CAMK2B: variants seen among roughly 807,000 people sequenced by gnomAD.
CAMK2B encodes the protein calcium/calmodulin-dependent protein kinase type II subunit beta.
Under a neutral mutation model 93.7 loss-of-function variants are expected in CAMK2B, and 27 were observed. The observed-to-expected ratio is 0.29, with a 90% CI of 0.21 to 0.40. The LOEUF (loss-of-function observed/expected upper bound fraction) is 0.40, where lower values mean the gene tolerates loss of function less well. Among genes scored for constraint, CAMK2B ranks in the 10% least tolerant of loss-of-function variants. The pLI, the probability that CAMK2B is intolerant of heterozygous loss-of-function variation, is 1.00. For synonymous variants in CAMK2B, 374 were observed against 358.8 expected (o/e 1.04, Z -0.48); for missense variants, 568 against 895.8 (o/e 0.63, Z 4.67).
At chr7:44,220,776 G>C (rs2096390871) in intron 21 of CAMK2B, 50 bp downstream of exon 21, 2 of 1,562,786 alleles carry the variant, frequency 1.3e-6, no homozygotes, top group South Asian at 1.2e-5. Flanking sequence ...CCCCCCCAAG[G>C]GTCCCACATC....
chr7:44,285,116 C>T (rs991774057), intron 1 of CAMK2B, among the ~76,000 whole-genome samples: 4 of 152,212 alleles, frequency 2.6e-5, no homozygotes, highest in Non-Finnish European at 5.9e-5. Context: ...GGAGTCAGTG[C>T]CACCCAATGG....
At chr7:44,294,022 G>A (rs1014982154) in intron 1 of CAMK2B, among the ~76,000 whole-genome samples, 1 of 152,200 alleles carries the variant, frequency 6.6e-6, no homozygotes, top group African/African-American at 2.4e-5. Context: ...CAGCAAGGCA[G>A]TGGGCAGCAA....
At chr7:44,313,305 G>C (rs1279970551) in intron 1 of CAMK2B, among the ~76,000 whole-genome samples, 1 of 152,106 alleles carries the variant, frequency 6.6e-6, no homozygotes, top group East Asian at 1.9e-4. Context: ...GCTGCTATGA[G>C]GCCCTGACAA....
intron 1 of CAMK2B, among the ~76,000 whole-genome samples, chr7:44,301,258 GA>G (rs1413382605): frequency 6.6e-6 from 1 of 152,150 alleles, no homozygotes; most frequent in Admixed American, 6.6e-5. Flanking sequence ...CTCTTGAGTA[GA>G]AAAGACTACA....
intron 2 of CAMK2B, among the ~76,000 whole-genome samples, chr7:44,282,827 C>T (rs2097112808): frequency 6.6e-6 from 1 of 152,348 alleles, no homozygotes; most frequent in East Asian, 1.9e-4. Context: ...CCGTCTCTGC[C>T]CACATTAGGC....
chr7:44,225,754 A>T lies in CAMK2B; in HGVS notation c.1597+762T>A. 1.6e-6 allele frequency: 2 copies of T among 1,289,302 alleles called. No individual in the cohort carries two copies. The highest frequency in any genetic ancestry group is 2.5e-5 in the South Asian group (2 of 81,020). 79.9% of individuals were successfully genotyped at this position (1,289,302 alleles called of 1,614,324 possible). A position where few individuals can be genotyped will look rare whatever the true frequency, so the allele number is the denominator to read the frequency against. On this transcript the variant is annotated intron_variant, in intron 20 of 23. Transcript: ENST00000395749. This position sits in a 1 kb window ranked among gnomAD's most constrained non-coding sequence, Gnocchi z 5.0. ...GCAAGCAGACCCCACCTGTCCCTCA[A>T]GTACTTACCTAGCCACTGCCCTGCC...
intron 9 of CAMK2B, 98 bp downstream of exon 9, chr7:44,242,462 C>A: frequency 1.3e-6 from 2 of 1,511,976 alleles, no homozygotes; most frequent in Non-Finnish European, 1.8e-6. Flanking sequence ...GACCTGGCCA[C>A]AGGTGGCTTC....
At chr7:44,265,290 CCAGATT>C (rs1372591182) in intron 2 of CAMK2B, among the ~76,000 whole-genome samples, 7 of 152,178 alleles carry the variant, frequency 4.6e-5, no homozygotes, top group Admixed American at 1.3e-4. Flanking sequence ...AGTGCAGGTC[CCAGATT>C]CAGTAAATCG....
At chr7:44,264,680 C>T (rs1437868177) in intron 2 of CAMK2B, among the ~76,000 whole-genome samples, 1 of 152,176 alleles carries the variant, frequency 6.6e-6, no homozygotes, top group African/African-American at 2.4e-5. Flanking sequence ...AAGCACTGCA[C>T]GGTCTTCCAG....
intron 16 of CAMK2B, among the ~76,000 whole-genome samples, 179 bp from the exon 17 acceptor site, chr7:44,231,233 C>G (rs113050969): frequency 6.6e-6 from 1 of 152,054 alleles, no homozygotes; most frequent in African/African-American, 2.4e-5. Flanking sequence ...TGCCCTCTGG[C>G]GGCTGCAGGG....
At chr7:44,287,307 G>T (rs1442102324) in intron 1 of CAMK2B, among the ~76,000 whole-genome samples, 1 of 152,054 alleles carries the variant, frequency 6.6e-6, no homozygotes, top group Non-Finnish European at 1.5e-5. Flanking sequence ...GTATGCTTAA[G>T]TCTCCCACCC....
intron 14 of CAMK2B, 70 bp downstream of exon 14, chr7:44,234,569 C>A: frequency 1.3e-6 from 2 of 1,591,470 alleles, no homozygotes; most frequent in Non-Finnish European, 1.7e-6. Flanking sequence ...AGAGCAGGAG[C>A]CCCAGGGCGT....
In CAMK2B at chr7:44,224,342, A is replaced by G. The variant is rs1485085010; in HGVS notation, c.1597+2174T>C. 1.3e-5 allele frequency among the ~76,000 whole-genome samples: 2 copies of G among 152,218 alleles called. No individual in the cohort carries two copies. The highest frequency in any genetic ancestry group is 4.8e-5 in the African/African-American group (2 of 41,456). ...GATATCCAGGCCCCTGAAGAAGGGC[A>G]TGATCCCTGATGGAGGGAAAGGAGG... is the stretch of plus-strand genomic sequence containing the variant. On this transcript the variant is annotated intron_variant, in intron 20 of 23. Transcript: ENST00000395749. This position sits in a 1 kb window ranked among gnomAD's most constrained non-coding sequence, Gnocchi z 4.4.
Position 44,325,412 on chromosome 7 carries a change from T to C in CAMK2B, c.10A>G (p.Thr4Ala). MAT[T>A]VTCTRFTDEY... ...TCGGTGAAGCGGGTGCAGGTCACCG[T>C]GGTGGCCATGGCGGCGGCGGACGGG... The change falls in exon 1 of 24, where the codon ACG becomes GCG. Residue 4 changes from threonine (T) to alanine (A), a missense_variant. By Grantham distance (58) the Thr-to-Ala change is moderately conservative (BLOSUM62 0). Transcript: ENST00000395749. 2 of 1,178,216 alleles carry C rather than the reference T, an allele frequency of 1.7e-6. No individual in the cohort carries two copies. Among genetic ancestry groups the C allele is most frequent in the Non-Finnish European group, 1.1e-6 (1 of 930,552 alleles). 73.0% of individuals were successfully genotyped at this position (1,178,216 alleles called of 1,614,324 possible).
chr7:44,297,698 A>C (rs576215113), intron 1 of CAMK2B, among the ~76,000 whole-genome samples: 3 of 152,338 alleles, frequency 2.0e-5, no homozygotes, highest in South Asian at 4.1e-4. Context: ...TCAAAATTCC[A>C]ATGGCTTTTT....
intron 1 of CAMK2B, among the ~76,000 whole-genome samples, chr7:44,288,074 C>T (rs1180609256): frequency 6.6e-6 from 1 of 152,084 alleles, no homozygotes; most frequent in Non-Finnish European, 1.5e-5. Context: ...GAAGAGCGGC[C>T]CCTAGAGTGT....
chr7:44,231,225 C>T (rs548572390), intron 16 of CAMK2B, among the ~76,000 whole-genome samples, 171 bp from the exon 17 acceptor site: 2 of 152,344 alleles, frequency 1.3e-5, no homozygotes, highest in East Asian at 3.9e-4. Flanking sequence ...AGGGGACATG[C>T]CCTCTGGCGG....
In CAMK2B at chr7:44,224,613, G is replaced by T. The variant is rs773390175; in HGVS notation, c.1597+1903C>A. On this transcript the variant is annotated intron_variant, in intron 20 of 23. Transcript: ENST00000395749. This position sits in a 1 kb window ranked among gnomAD's most constrained non-coding sequence, Gnocchi z 4.4. ...GGCAGGCCTAATGCGTCCAGGTGGGGTCAGAGCAGGTTCTCATCCTGGCCT... is the reference window on the plus strand; with the variant it reads ...GGCAGGCCTAATGCGTCCAGGTGGGTTCAGAGCAGGTTCTCATCCTGGCCT... Among the ~76,000 whole-genome samples, 1 of 152,164 alleles carries T rather than the reference G, an allele frequency of 6.6e-6. No homozygotes were observed. The highest frequency in any genetic ancestry group is 1.5e-5 in the Non-Finnish European group (1 of 68,002).
At chr7:44,316,953 C>A (rs1034269862) in intron 1 of CAMK2B, among the ~76,000 whole-genome samples, 2 of 152,098 alleles carry the variant, frequency 1.3e-5, no homozygotes, top group Admixed American at 6.5e-5. Context: ...ACTAGCACTC[C>A]TGAGTCTTCT....
Sources: allele counts gnomAD v4.1 joint callset (sites outside exome capture counted in the v4.1 genomes callset), GRCh38; gene constraint gnomAD v4.1.1; non-coding constraint Gnocchi (gnomAD v3.1); transcripts MANE v1.5; gene names NCBI Gene and HGNC (gene_info 2026-07-23, HGNC 2026-07-21).